The following CHD9 variants were observed in gnomAD, a reference collection of about 807,000 sequenced individuals.
CHD9 encodes the protein ATP-dependent chromatin remodeler CHD9.
In CHD9, 77 loss-of-function variants were observed where a neutral mutation model predicts 316.1. The ratio of observed to expected loss-of-function variants is 0.24; its 90% CI spans 0.20 to 0.29. The LOEUF (loss-of-function observed/expected upper bound fraction) is 0.29, where lower values mean the gene tolerates loss of function less well. Ranked by LOEUF, CHD9 falls within the 10% of genes least tolerant of loss-of-function variation. The pLI is 1.00. For missense variants in CHD9, 2,763 were observed against 3,438.1 expected, an observed-to-expected ratio of 0.80 and a Z score of 4.91; for synonymous variants, 1,129 against 1,158.3, an observed-to-expected ratio of 0.97 and a Z score of 0.51.
intron 25 of CHD9, 98 bp downstream of exon 25, chr16:53,285,797 A>G (rs1038285371): frequency 1.1e-5 from 7 of 614,824 alleles, no homozygotes; most frequent in Non-Finnish European, 2.0e-5. Flanking sequence ...TTATTCCAGT[A>G]ACATCTATGT....
chr16:53,065,478 T>A (rs1461037841), intron 1 of CHD9, among the ~76,000 whole-genome samples: 4 of 151,428 alleles, frequency 2.6e-5, no homozygotes, highest in African/African-American at 4.9e-5. Flanking sequence ...TACAAAAAAA[T>A]TTAAAAATGA....
At chr16:53,111,366 A>G (rs1434154115) in intron 1 of CHD9, among the ~76,000 whole-genome samples, 1 of 152,156 alleles carries the variant, frequency 6.6e-6, no homozygotes, top group Admixed American at 6.6e-5. Flanking sequence ...TCTGTTTTAC[A>G]TCTCAGGGTT....
At chr16:53,301,758 CT>C (rs1161675795) in intron 30 of CHD9, among the ~76,000 whole-genome samples, 4 of 138,738 alleles carry the variant, frequency 2.9e-5, no homozygotes, top group East Asian at 2.1e-4. Flanking sequence ...CTCTCTCTTT[CT>C]TTTTTTTCTT....
intron 20 of CHD9, among the ~76,000 whole-genome samples, chr16:53,263,390 T>G (rs2051334472): frequency 6.6e-6 from 1 of 152,118 alleles, no homozygotes; most frequent in African/African-American, 2.4e-5. Context: ...TGGGTTACAT[T>G]TATTTTCTCT....
chr16:53,139,810 T>G (rs1201365545), intron 1 of CHD9, among the ~76,000 whole-genome samples: 1 of 152,102 alleles, frequency 6.6e-6, no homozygotes, highest in African/African-American at 2.4e-5. Context: ...TCGAAAATAA[T>G]GCATTTAGCT....
intron 34 of CHD9, among the ~76,000 whole-genome samples, chr16:53,314,046 CT>C (rs985399302): frequency 2.0e-5 from 3 of 151,318 alleles, no homozygotes; most frequent in Non-Finnish European, 4.4e-5. Context: ...AAAAAACAAG[CT>C]TTTGAAAGTA....
intron 3 of CHD9, among the ~76,000 whole-genome samples, chr16:53,215,062 G>A (rs776674791): frequency 3.3e-5 from 5 of 151,934 alleles, no homozygotes; most frequent in South Asian, 4.1e-4. Context: ...ACAGGTGCCC[G>A]CCACCACGCC....
At chr16:53,112,489 C>T (rs2152620791) in intron 1 of CHD9, among the ~76,000 whole-genome samples, 1 of 152,288 alleles carries the variant, frequency 6.6e-6, no homozygotes, top group Non-Finnish European at 1.5e-5. Context: ...GTAACGTGTT[C>T]AGTTTCTCTG....
intron 24 of CHD9, among the ~76,000 whole-genome samples, chr16:53,275,932 G>C (rs142094378): frequency 7.9e-5 from 12 of 152,084 alleles, no homozygotes; most frequent in African/African-American, 2.9e-4. Context: ...TAATCACCTG[G>C]TCATACAGTT....
At chr16:53,306,650 G>A (rs1218782184) in intron 32 of CHD9, among the ~76,000 whole-genome samples, 1 of 152,190 alleles carries the variant, frequency 6.6e-6, no homozygotes, top group African/African-American at 2.4e-5. Flanking sequence ...TAATCCTAAA[G>A]TGCTTCTTTA....
chr16:53,067,863 C>T (rs2033663585), intron 1 of CHD9, among the ~76,000 whole-genome samples: 1 of 151,812 alleles, frequency 6.6e-6, no homozygotes, highest in Non-Finnish European at 1.5e-5. Context: ...GAGTTTGGGA[C>T]TAGCCTGGGC....
chr16:53,156,565 A>T lies in CHD9; in HGVS notation c.476A>T (p.His159Leu). Residue 159 changes from histidine to leucine, a missense_variant, in exon 2 of 39, where the codon CAC becomes CTC. By Grantham distance (99) the His-to-Leu change is moderately conservative. Transcript: ENST00000447540. ...SMHQNKSFVA[H>L]HDFALFQANE... ...CATCAAAATAAAAGCTTTGTGGCAC[A>T]CCATGACTTTGCCTTATTTCAGGCC... is the stretch of plus-strand genomic sequence containing the variant. 1 of 1,614,010 alleles carries T rather than the reference A, an allele frequency of 6.2e-7. No homozygotes were observed. The highest frequency in any genetic ancestry group is 2.2e-5 in the East Asian group (1 of 44,882).
In CHD9 at chr16:53,304,127, AT is replaced by A. The variant is rs766927411; in HGVS notation, c.6123del (p.Leu2042Ter). On this transcript the variant is annotated frameshift_variant, in exon 31 of 39. Transcript: ENST00000447540. LOFTEE classifies it high-confidence loss of function. The stretch of plus-strand genomic sequence containing the variant: ...TAGGCTCCTAGATGCTAAAGGTATT[AT>A]TCTAGAGGAGATGAAAGTTAAAAGT... ...LPRLLDAKGI[I>X]LEEMKVKSEN... 6.2e-7 allele frequency: 1 copy of A among 1,613,460 alleles called. No homozygotes were observed.
At chr16:53,188,138 G>T (rs1383556871) in intron 2 of CHD9, among the ~76,000 whole-genome samples, 2 of 152,162 alleles carry the variant, frequency 1.3e-5, no homozygotes, top group Non-Finnish European at 2.9e-5. Context: ...AATATTTTCA[G>T]AGTTCATATA....
intron 30 of CHD9, among the ~76,000 whole-genome samples, chr16:53,300,869 G>T (rs919079802): frequency 1.3e-5 from 2 of 152,126 alleles, no homozygotes; most frequent in African/African-American, 4.8e-5. Flanking sequence ...ATTTTGGTAG[G>T]CCAAGGCAGG....
intron 2 of CHD9, among the ~76,000 whole-genome samples, chr16:53,183,828 G>A (rs2043743320): frequency 1.3e-5 from 2 of 152,136 alleles, no homozygotes; most frequent in Non-Finnish European, 2.9e-5. Flanking sequence ...TAACAGCCAT[G>A]TAACCTTGGG....
chr16:53,088,570 G>A (rs887636599), intron 1 of CHD9, among the ~76,000 whole-genome samples: 4 of 151,418 alleles, frequency 2.6e-5, no homozygotes, highest in South Asian at 2.1e-4. Context: ...GAGCCACCGC[G>A]CCCGGCCAAC....
chr16:53,150,950 T>G (rs2152734357), intron 1 of CHD9, among the ~76,000 whole-genome samples: 1 of 152,266 alleles, frequency 6.6e-6, no homozygotes, highest in South Asian at 2.1e-4. Context: ...ATGTGATCTC[T>G]TAGAATTTAT....
chr16:53,187,262 C>A (rs2044100102), intron 2 of CHD9, among the ~76,000 whole-genome samples: 1 of 152,180 alleles, frequency 6.6e-6, no homozygotes, highest in South Asian at 2.1e-4. Flanking sequence ...AATCCCAGCA[C>A]TTTGGGAGAC....
Sources: gnomAD v4.1 joint callset for allele counts (sites outside exome capture counted in the v4.1 genomes callset) on GRCh38, gnomAD v4.1.1 for gene constraint, MANE v1.5 for transcripts, NCBI Gene and HGNC (gene_info 2026-07-23, HGNC 2026-07-21) for gene names.